Variants in WDR53 observed in about 807,000 individuals in gnomAD.
WDR53 encodes WD repeat-containing protein 53.
A neutral mutation model predicts 21.3 loss-of-function variants in WDR53; 19 were observed. That is an observed-to-expected ratio of 0.89 (90% CI 0.62 to 1.31). The LOEUF is 1.31. Among genes scored for constraint, WDR53 ranks in the 50% most tolerant of loss-of-function variants. The pLI, the probability that WDR53 is intolerant of heterozygous loss-of-function variation, is 0.00. For missense variants in WDR53, 374 were observed against 423.2 expected, an observed-to-expected ratio of 0.88 and a Z score of 1.02; for synonymous variants, 157 against 163.4, an observed-to-expected ratio of 0.96 and a Z score of 0.30.
At position 196,561,463 on chromosome 3, in the gene WDR53, A is replaced by G. The variant is rs1464434134; in HGVS notation, c.13T>C (p.Trp5Arg). ...ACAGGAGAAGAATGCCCACCCGTCC[A>G]CTTGACTGCCATAATGGTCCCGGAG... is the stretch of plus-strand genomic sequence containing the variant. MAVK[W>R]TGGHSSPVLC... Residue 5 changes from tryptophan to arginine, a missense_variant, in exon 3 of 4, where the codon TGG becomes CGG. Coordinates refer to ENST00000332629, the MANE Select transcript of WDR53 (RefSeq NM_182627.3). 6.2e-7 allele frequency: 1 copy of G among 1,612,590 alleles called. No homozygotes were observed. The highest frequency in any genetic ancestry group is 8.5e-7 in the Non-Finnish European group (1 of 1,179,346).
chr3:196,554,407 G>A lies in WDR53; in HGVS notation c.881C>T (p.Thr294Ile), dbSNP rs1461266634. The change falls in exon 4 of 4, where the codon ACT becomes ATT. Residue 294 changes from threonine (T) to isoleucine (I), a missense_variant. Thr to Ile is a moderately conservative substitution (Grantham distance 89). Transcript: ENST00000332629. The stretch of plus-strand genomic sequence containing the variant: ...AGTATTTCCACCCTGCTTGGTGCAA[G>A]TTCCTCTTTTAGGTTTCTTCCTGTG... ...RTHRKKPKRG[T>I]CTKQGGNTNA... The A allele has an allele frequency of 1.2e-6, 2 of 1,613,972 alleles. No individual in the cohort carries two copies. The highest frequency in any genetic ancestry group is 1.7e-6 in the Non-Finnish European group (2 of 1,180,034).
rs753394795 is a variant in WDR53 at position 196,567,111 on chromosome 3, C to G, written c.-251G>C. 2.2e-6 allele frequency: 1 copy of G among 456,608 alleles called. No individual in the cohort carries two copies. Among genetic ancestry groups the G allele is most frequent in the Non-Finnish European group, 4.4e-6 (1 of 226,816 alleles). The allele number at this position is 456,608 out of a possible 1,614,324, so 28.3% of individuals were successfully genotyped here. A position where few individuals can be genotyped will look rare whatever the true frequency, so the allele number is the denominator to read the frequency against. On this transcript the variant is annotated 5_prime_UTR_variant, in exon 2 of 4. An upstream open reading frame in the 5' UTR loses its in-frame stop. Coordinates refer to ENST00000332629, the MANE Select transcript of WDR53 (RefSeq NM_182627.3). ...GTGCCTCTAAGGCTGTTCATTCTGT[C>G]TAGTTCATGATCCCTTTCTCAGATG...
At chr3:196,567,751 T>TTGTGTGTGTGTGTG (rs3080583) in intron 1 of WDR53, among the ~76,000 whole-genome samples, 2,671 of 143,630 alleles carry the variant, frequency 0.019, 44 homozygotes, top group African/African-American at 0.03. Flanking sequence ...GCTGAAATTC[T>TTGTGTGTGTGTGTG]TGTGTGTGTG....
chr3:196,561,446 A>T lies in WDR53; in HGVS notation c.30T>A (p.Ser10=), dbSNP rs1217055288. The T allele has an allele frequency of 1.2e-6, 2 of 1,613,896 alleles. No homozygotes were observed. The highest frequency in any genetic ancestry group is 2.2e-5 in the South Asian group (2 of 91,070). ...TTGCATTCAGGCAGAGGACAGGAGA[A>T]GAATGCCCACCCGTCCACTTGACTG... MAVKWTGGH[S]SPVLCLNASK... Residue 10 remains serine, a synonymous_variant, in exon 3 of 4, where the codon TCT becomes TCA. Transcript: ENST00000332629.
chr3:196,565,534 C>T (rs1735297761), intron 2 of WDR53, among the ~76,000 whole-genome samples: 1 of 148,220 alleles, frequency 6.7e-6, no homozygotes, highest in Non-Finnish European at 1.5e-5. Context: ...TGCCACTGCA[C>T]TCCAGCCTGG....
rs1305816233 is a variant in WDR53 at position 196,567,222 on chromosome 3, T to G, written c.-362A>C. ...CAGAGTCAGCACAGGTCAACTTTTC[T>G]CTACAGGCTTGGGGTTTCTGAAGTT... On this transcript the variant is annotated 5_prime_UTR_variant, in exon 2 of 4. Coordinates refer to ENST00000332629, the MANE Select transcript of WDR53 (RefSeq NM_182627.3). The G allele has an allele frequency of 2.2e-6, 1 of 457,206 alleles. No homozygotes were observed. The highest frequency in any genetic ancestry group is 1.5e-5 in the South Asian group (1 of 64,568). 28.3% of individuals were successfully genotyped at this position (457,206 alleles called of 1,614,324 possible).
Position 196,554,254 on chromosome 3 carries a change from T to A in WDR53, c.1034A>T (p.Asp345Val), listed in dbSNP as rs981031839. 2 of 1,613,806 alleles carry A rather than the reference T, an allele frequency of 1.2e-6. No individual in the cohort carries two copies. Among genetic ancestry groups the A allele is most frequent in the Admixed American group, 3.3e-5 (2 of 59,960 alleles). The change falls in exon 4 of 4, where the codon GAT (aspartate) becomes GTT (valine). Residue 345 changes from aspartate (D) to valine (V), a missense_variant. By Grantham distance (152) the Asp-to-Val change is radical. Transcript: ENST00000332629. ...IKGHQNILVA[D>V]QTSCISVYPL... ...GTATACAGATATACAACTAGTTTGATCAGCTACTAATATATTTTGGTGTCC... is the reference window on the plus strand; with the variant it reads ...GTATACAGATATACAACTAGTTTGAACAGCTACTAATATATTTTGGTGTCC...
chr3:196,567,613 G>A (rs12107137), intron 1 of WDR53, among the ~76,000 whole-genome samples: 6,448 of 152,230 alleles, frequency 0.042, 446 homozygotes, highest in African/African-American at 0.14. Flanking sequence ...CGTAAATGAC[G>A]TAGTATACAG....
At chr3:196,565,407 T>C (rs1329943004) in intron 2 of WDR53, among the ~76,000 whole-genome samples, 1 of 152,086 alleles carries the variant, frequency 6.6e-6, no homozygotes, top group East Asian at 1.9e-4. Context: ...AAACCCTGTC[T>C]CTACTAAAAA....
At chr3:196,561,616 A>G in intron 2 of WDR53, 125 bp from the exon 3 acceptor site, 1 of 1,005,658 alleles carries the variant, frequency 9.9e-7, no homozygotes, top group Admixed American at 3.7e-5. Flanking sequence ...AAAAAACTCA[A>G]TTAATTAAAA....
At chr3:196,557,558 G>C (rs1734441434) in intron 3 of WDR53, among the ~76,000 whole-genome samples, 1 of 151,994 alleles carries the variant, frequency 6.6e-6, no homozygotes. Context: ...AAACAAAAGA[G>C]CCTTCTCTAC....
chr3:196,556,579 C>T (rs886117688), intron 3 of WDR53, among the ~76,000 whole-genome samples: 5 of 151,354 alleles, frequency 3.3e-5, no homozygotes, highest in Admixed American at 3.3e-4. Context: ...TGGCGTGAAC[C>T]TGGGAGGCAG....
At chr3:196,564,666 G>A (rs1157550181) in intron 2 of WDR53, among the ~76,000 whole-genome samples, 2 of 152,048 alleles carry the variant, frequency 1.3e-5, no homozygotes, top group Non-Finnish European at 2.9e-5. Flanking sequence ...CCCAGCCAAT[G>A]CTTTCAAATC....
intron 2 of WDR53, among the ~76,000 whole-genome samples, chr3:196,565,883 G>A (rs1453590971): frequency 6.6e-6 from 1 of 152,200 alleles, no homozygotes; most frequent in African/African-American, 2.4e-5. Context: ...ACTGCAACTG[G>A]AAAGCCTGGC....
chr3:196,564,933 T>C (rs1305107833), intron 2 of WDR53, among the ~76,000 whole-genome samples: 2 of 152,226 alleles, frequency 1.3e-5, no homozygotes, highest in Admixed American at 6.5e-5. Flanking sequence ...ACAAAAGTTT[T>C]AGCAGGTTTT....
chr3:196,560,088 T>C (rs989049019), intron 3 of WDR53, among the ~76,000 whole-genome samples: 10 of 152,212 alleles, frequency 6.6e-5, no homozygotes, highest in Non-Finnish European at 1.5e-4. Flanking sequence ...TGCTTTCCCA[T>C]GACTTCTCTT....
At chr3:196,555,541 T>A (rs1375265298) in intron 3 of WDR53, among the ~76,000 whole-genome samples, 2 of 152,242 alleles carry the variant, frequency 1.3e-5, no homozygotes, top group African/African-American at 2.4e-5. Flanking sequence ...TTGTTTTTTT[T>A]AAATAAGCTT....
intron 3 of WDR53, among the ~76,000 whole-genome samples, chr3:196,558,239 T>C (rs1404984954): frequency 1.3e-5 from 2 of 149,182 alleles, no homozygotes; most frequent in East Asian, 4.0e-4. Context: ...AGGGTCTCAC[T>C]TTGTCATCCA....
chr3:196,557,225 C>A (rs1269878674), intron 3 of WDR53, among the ~76,000 whole-genome samples: 1 of 152,206 alleles, frequency 6.6e-6, no homozygotes, highest in African/African-American at 2.4e-5. Flanking sequence ...TTTCTTTCCA[C>A]ATAAAAGACT....
Sources: gnomAD v4.1 joint callset for allele counts (sites outside exome capture counted in the v4.1 genomes callset) on GRCh38, gnomAD v4.1.1 for gene constraint, MANE v1.5 for transcripts, NCBI Gene and HGNC (gene_info 2026-07-23, HGNC 2026-07-21) for gene names.